Variants in LRRIQ4 observed in about 807,000 individuals in gnomAD.
The protein encoded by LRRIQ4 is leucine-rich repeat and IQ domain-containing protein 4.
In LRRIQ4, 21 loss-of-function variants were observed where a neutral mutation model predicts 40.1. That is an observed-to-expected ratio of 0.52 (90% CI 0.37 to 0.75). The LOEUF is 0.75. Among genes scored for constraint, LRRIQ4 ranks in the 30% least tolerant of loss-of-function variants. The pLI is 0.00. For missense variants in LRRIQ4, 655 were observed against 660.0 expected (o/e 0.99, Z 0.08); for synonymous variants, 277 against 277.1 (o/e 1.00, Z 0.00).
intron 2 of LRRIQ4, among the ~76,000 whole-genome samples, chr3:169,826,182 A>C (rs1352734126): frequency 6.6e-6 from 1 of 152,190 alleles, no homozygotes; most frequent in African/African-American, 2.4e-5. Flanking sequence ...AACTGAGGTC[A>C]GGAGTTTGAG....
Position 169,828,771 on chromosome 3 carries a change from T to C in LRRIQ4, c.1033T>C (p.Leu345=). The change falls in exon 3 of 6, where the codon TTG becomes CTG. Residue 345 remains leucine, a synonymous_variant. Transcript: ENST00000340806. ...DNKIGQLPSE[L]GSLSKLKILG... ...GGAATACTTCTAGTTACCTTCAGAA[T>C]TGGGCTCACTTTCAAAACTGAAGAT... 1 of 1,612,250 alleles carries C rather than the reference T, an allele frequency of 6.2e-7. No homozygotes were observed.
At chr3:169,817,336 C>G (rs965718954) in intron 1 of LRRIQ4, among the ~76,000 whole-genome samples, 1 of 152,108 alleles carries the variant, frequency 6.6e-6, no homozygotes, top group African/African-American at 2.4e-5. Context: ...ATTTTTAAGA[C>G]TTGTTTTGTG....
chr3:169,827,124 A>AAG (rs1780055792), intron 2 of LRRIQ4, among the ~76,000 whole-genome samples: 2 of 152,132 alleles, frequency 1.3e-5, no homozygotes, highest in Admixed American at 1.3e-4. Context: ...TGACTAGGGA[A>AAG]TGGATGGGAA....
chr3:169,826,632 C>A (rs984929202), intron 2 of LRRIQ4, among the ~76,000 whole-genome samples: 8 of 152,068 alleles, frequency 5.3e-5, no homozygotes, highest in African/African-American at 1.7e-4. Context: ...AAAAGAAAAG[C>A]TAAGCTTTTA....
chr3:169,827,228 G>A (rs1780058005), intron 2 of LRRIQ4, among the ~76,000 whole-genome samples: 1 of 152,178 alleles, frequency 6.6e-6, no homozygotes, highest in Admixed American at 6.5e-5. Flanking sequence ...AGGAGCTGTT[G>A]AGCTATATAG....
At chr3:169,823,725 T>C (rs1015549993) in intron 2 of LRRIQ4, among the ~76,000 whole-genome samples, 1 of 152,186 alleles carries the variant, frequency 6.6e-6, no homozygotes, top group African/African-American at 2.4e-5. Context: ...ACAACAGCCT[T>C]AGAAGCCTAA....
Position 169,822,098 on chromosome 3 carries a change from G to C in LRRIQ4, c.177G>C (p.Gln59His). ...AAGAAGTGCATTTGGAGAATAACCA[G>C]ATTGAAGAAATTCCCCAGGAGATTC... ...ELEEVHLENN[Q>H]IEEIPQEIQR... Residue 59 changes from glutamine (Q) to histidine (H), a missense_variant, in exon 2 of 6, where the codon CAG becomes CAC. By Grantham distance (24) the Gln-to-His change is conservative. Coordinates refer to ENST00000340806, the MANE Select transcript of LRRIQ4 (RefSeq NM_001080460.3). 6.2e-7 allele frequency: 1 copy of C among 1,610,256 alleles called. No homozygotes were observed. The highest frequency in any genetic ancestry group is 8.5e-7 in the Non-Finnish European group (1 of 1,179,018).
chr3:169,836,774 G>C (rs932010519), intron 5 of LRRIQ4, among the ~76,000 whole-genome samples: 1 of 152,208 alleles, frequency 6.6e-6, no homozygotes, highest in African/African-American at 2.4e-5. Flanking sequence ...AAAGAAAGCA[G>C]CGAATATACA....
intron 1 of LRRIQ4, among the ~76,000 whole-genome samples, chr3:169,817,003 T>G (rs1339406326): frequency 6.6e-6 from 1 of 152,160 alleles, no homozygotes; most frequent in Admixed American, 6.5e-5. Context: ...TTTTTACTTT[T>G]CTAGTTCTTT....
chr3:169,834,742 C>T (rs1461663338), intron 5 of LRRIQ4, among the ~76,000 whole-genome samples: 2 of 152,062 alleles, frequency 1.3e-5, no homozygotes, highest in Non-Finnish European at 2.9e-5. Flanking sequence ...CTACTTTCCC[C>T]TCAAAATTGA....
chr3:169,818,743 G>A (rs1354900329), intron 1 of LRRIQ4, among the ~76,000 whole-genome samples: 2 of 152,132 alleles, frequency 1.3e-5, no homozygotes, highest in African/African-American at 4.8e-5. Flanking sequence ...AGTCAATTAA[G>A]GTTACTTTTA....
Position 169,836,618 on chromosome 3 carries a change from CCTT to C in LRRIQ4, c.1531-858_1531-856del, listed in dbSNP as rs374242442. Among the ~76,000 whole-genome samples, 729 of 152,290 alleles carry C rather than the reference CCTT, an allele frequency of 4.8e-3. 5 individuals are homozygous for C. Among genetic ancestry groups the C allele is most frequent in the African/African-American group, 0.016 (668 of 41,552 alleles). On this transcript the variant is annotated intron_variant, in intron 5 of 5. Coordinates refer to ENST00000340806, the MANE Select transcript of LRRIQ4 (RefSeq NM_001080460.3). ...TAAATCTAATCATCTCCTCAAAGCC[CCTT>C]CTCCAAATTCATTCACACTGGGGAT...
chr3:169,817,690 TTG>T (rs1275870059), intron 1 of LRRIQ4, among the ~76,000 whole-genome samples: 1 of 151,898 alleles, frequency 6.6e-6, no homozygotes, highest in African/African-American at 2.4e-5. Context: ...ATGACCTTTT[TTG>T]TCTTTTTTTA....
At chr3:169,836,544 T>C (rs1209873552) in intron 5 of LRRIQ4, among the ~76,000 whole-genome samples, 1 of 152,136 alleles carries the variant, frequency 6.6e-6, no homozygotes, top group Non-Finnish European at 1.5e-5. Context: ...TATCTCTCCT[T>C]ATAAGGCCAC....
chr3:169,830,868 A>T (rs9844102), intron 4 of LRRIQ4, among the ~76,000 whole-genome samples: 2,384 of 152,326 alleles, frequency 0.016, 66 homozygotes, highest in African/African-American at 0.054. Context: ...GTAAATAGCG[A>T]CTGCTAAGAA....
chr3:169,832,928 T>C lies in LRRIQ4; in HGVS notation c.1334-59T>C, dbSNP rs1576771029. The C allele has an allele frequency of 2.1e-6, 3 of 1,459,030 alleles. No individual in the cohort carries two copies. In the East Asian group the frequency reaches 6.8e-5, roughly 33 times the overall value. The allele number at this position is 1,459,030 out of a possible 1,614,324, so 90.4% of individuals were successfully genotyped here. On this transcript the variant is annotated intron_variant, in intron 4 of 5. Transcript: ENST00000340806. ...CCTCACCTATGTGGACAGGATTAGG[T>C]GACAAGTTAATATTGTTTCTTCTAA...
chr3:169,814,589 A>G (rs9814802), intron 1 of LRRIQ4, among the ~76,000 whole-genome samples: 76,419 of 151,906 alleles, frequency 0.5, 20,395 homozygotes, highest in East Asian at 0.74. Context: ...AGCTTCAAGC[A>G]ATTCTCCCAC....
chr3:169,830,735 A>G, intron 4 of LRRIQ4, 105 bp downstream of exon 4: 1 of 1,358,688 alleles, frequency 7.4e-7, no homozygotes, highest in East Asian at 2.4e-5. Flanking sequence ...GTGTTCAGAG[A>G]ACTGAGTCTA....
Position 169,821,925 on chromosome 3 carries a change from T to G in LRRIQ4, c.4T>G (p.Ser2Ala). 6.9e-7 allele frequency: 1 copy of G among 1,457,240 alleles called. No homozygotes were observed. The highest frequency in any genetic ancestry group is 9.1e-7 in the Non-Finnish European group (1 of 1,104,326). 90.3% of individuals were successfully genotyped at this position (1,457,240 alleles called of 1,614,324 possible). The part of the protein sequence containing the change: M[S>A]KDIKSVEHSP... ...ATTTGAGCTTTTCTTCACAATAATG[T>G]CAAAAGACATAAAATCAGTAGAACA... The change falls in exon 2 of 6, where the codon TCA becomes GCA. Residue 2 changes from serine to alanine, a missense_variant. By Grantham distance (99) the Ser-to-Ala change is moderately conservative. Transcript: ENST00000340806.
Sources: gnomAD v4.1 joint callset for allele counts (sites outside exome capture counted in the v4.1 genomes callset) on GRCh38, gnomAD v4.1.1 for gene constraint, MANE v1.5 for transcripts, NCBI Gene and HGNC (gene_info 2026-07-23, HGNC 2026-07-21) for gene names.